Variants in RORA observed in about 807,000 individuals in gnomAD.
RORA encodes RAR related orphan receptor A, also known as nuclear receptor ROR-alpha.
In RORA, 7 loss-of-function variants were observed where a neutral mutation model predicts 69.5. The observed-to-expected ratio is 0.10, with a 90% CI of 0.06 to 0.19. The LOEUF is 0.19. RORA is among the 10% of genes least tolerant of loss of function. The pLI is 1.00. For synonymous variants in RORA, 261 were observed against 240.8 expected (o/e 1.08, Z -0.78); for missense variants, 457 against 663.0 (o/e 0.69, Z 3.41).
At chr15:60,913,213 C>T (rs965579687) in intron 1 of RORA, among the ~76,000 whole-genome samples, 3 of 152,170 alleles carry the variant, frequency 2.0e-5, no homozygotes, top group African/African-American at 7.2e-5. Context: ...GAGCTCACCA[C>T]CTCGTGCTCA....
At position 60,929,923 on chromosome 15, in the gene RORA, T is replaced by C. The variant is rs145490706; in HGVS notation, c.167-251237A>G. Among the ~76,000 whole-genome samples, 284 of 152,262 alleles carry C rather than the reference T, an allele frequency of 1.9e-3. 1 individual carries two copies. Among genetic ancestry groups the C allele is most frequent in the African/African-American group, 6.3e-3 (262 of 41,550 alleles). ...CTTGCCTTCAGACGCATATGGTTTA[T>C]GGAGCACATTTTGGATCAACACGTG... is the stretch of plus-strand genomic sequence containing the variant. On this transcript the variant is annotated intron_variant, in intron 1 of 10. Transcript: ENST00000335670.
intron 1 of RORA, among the ~76,000 whole-genome samples, chr15:60,889,260 G>T (rs989747971): frequency 9.2e-5 from 14 of 151,766 alleles, no homozygotes; most frequent in Admixed American, 7.9e-4. Flanking sequence ...GGTTCACTCA[G>T]TGCTTGTGCA....
chr15:60,826,468 A>G (rs1300901370), intron 1 of RORA, among the ~76,000 whole-genome samples: 1 of 152,120 alleles, frequency 6.6e-6, no homozygotes, highest in East Asian at 1.9e-4. Context: ...ATCACTGAGG[A>G]CTATTCAGGG....
rs149255011 is a variant in RORA at position 60,812,070 on chromosome 15, T to A, written c.167-133384A>T. 6.0e-3 allele frequency among the ~76,000 whole-genome samples: 913 copies of A among 152,320 alleles called. 9 individuals are homozygous for A. Among genetic ancestry groups the A allele is most frequent in the African/African-American group, 0.021 (866 of 41,562 alleles). ...GCATCACGTGTTTATAAGCATGGCA[T>A]CTCTGATCACACTACCTAGATTTGA... On this transcript the variant is annotated intron_variant, in intron 1 of 10. Transcript: ENST00000335670.
intron 1 of RORA, among the ~76,000 whole-genome samples, chr15:61,160,008 C>A (rs908704167): frequency 6.6e-6 from 1 of 152,190 alleles, no homozygotes; most frequent in African/African-American, 2.4e-5. Flanking sequence ...CCAGTTCCTT[C>A]TCTGCGATCA....
intron 1 of RORA, among the ~76,000 whole-genome samples, chr15:61,015,776 C>T (rs1267912537): frequency 1.3e-5 from 2 of 152,154 alleles, no homozygotes; most frequent in African/African-American, 2.4e-5. Context: ...GAATATGCTC[C>T]AAATGATACA....
rs5813067 is a variant in RORA at position 61,076,405 on chromosome 15, CAA to C, written c.166+152646_166+152647del. On this transcript the variant is annotated intron_variant, in intron 1 of 10. Transcript: ENST00000335670. ...TAAGGAGGGCATCTCTTGATCATCT[CAA>C]AAAAAAAAAACGTTTCAACAACTTC... is the stretch of plus-strand genomic sequence containing the variant. Among the ~76,000 whole-genome samples the C allele has an allele frequency of 6.7e-3, 946 of 142,082 alleles. 13 individuals are homozygous for C. Among genetic ancestry groups the C allele is most frequent in the African/African-American group, 0.023 (888 of 38,948 alleles). 93.2% of individuals were successfully genotyped at this position (142,082 alleles called of 152,430 possible).
intron 1 of RORA, among the ~76,000 whole-genome samples, chr15:60,840,207 G>C (rs2073177404): frequency 6.6e-6 from 1 of 152,220 alleles, no homozygotes; most frequent in African/African-American, 2.4e-5. Context: ...TCCTTTGACA[G>C]CCTGTTTCTT....
At chr15:60,883,331 T>C (rs2073713419) in intron 1 of RORA, among the ~76,000 whole-genome samples, 1 of 152,146 alleles carries the variant, frequency 6.6e-6, no homozygotes, top group East Asian at 1.9e-4. Flanking sequence ...ACTGACAACA[T>C]GGATTCAGAG....
At chr15:60,737,294 T>C (rs1391320940) in intron 1 of RORA, among the ~76,000 whole-genome samples, 1 of 152,180 alleles carries the variant, frequency 6.6e-6, no homozygotes, top group Non-Finnish European at 1.5e-5. Context: ...GGAAAGGAAG[T>C]TCTATAACTT....
At chr15:60,538,725 G>A (rs764286814) in intron 2 of RORA, among the ~76,000 whole-genome samples, 7 of 151,934 alleles carry the variant, frequency 4.6e-5, no homozygotes, top group Non-Finnish European at 7.4e-5. Context: ...GGGCTTGTAC[G>A]GTCTTGTCGG....
chr15:60,735,580 A>AAAAAAAAAAC (rs1555449383), intron 1 of RORA, among the ~76,000 whole-genome samples: 1 of 151,918 alleles, frequency 6.6e-6, no homozygotes, highest in African/African-American at 2.4e-5. Context: ...AAAAAGGAAA[A>AAAAAAAAAAC]AAAAAAAACC....
intron 1 of RORA, among the ~76,000 whole-genome samples, chr15:60,774,215 C>G (rs1333881451): frequency 6.6e-6 from 1 of 152,198 alleles, no homozygotes; most frequent in Non-Finnish European, 1.5e-5. Flanking sequence ...CATGTTATCG[C>G]TCTGAATGGG....
At chr15:61,107,489 T>A (rs2078962596) in intron 1 of RORA, among the ~76,000 whole-genome samples, 1 of 152,094 alleles carries the variant, frequency 6.6e-6, no homozygotes, top group African/African-American at 2.4e-5. Context: ...AAATCAGACA[T>A]CCTTGAGATC....
intron 1 of RORA, among the ~76,000 whole-genome samples, chr15:61,119,893 G>A (rs1285721936): frequency 1.3e-5 from 2 of 152,198 alleles, no homozygotes; most frequent in African/African-American, 4.8e-5. Context: ...CCCACTCACT[G>A]TACAGTACAA....
At chr15:60,633,857 A>G (rs1333248045) in intron 2 of RORA, among the ~76,000 whole-genome samples, 2 of 152,256 alleles carry the variant, frequency 1.3e-5, no homozygotes, top group African/African-American at 2.4e-5. Context: ...TGAGAAATGT[A>G]TATAAAGGTA....
At chr15:61,015,123 A>G (rs1308839471) in intron 1 of RORA, among the ~76,000 whole-genome samples, 1 of 152,228 alleles carries the variant, frequency 6.6e-6, no homozygotes, top group East Asian at 1.9e-4. Context: ...GTGCCTATCA[A>G]TAAATATTAA....
In RORA at chr15:60,912,387, A is replaced by C. The variant is rs529448077; in HGVS notation, c.167-233701T>G. Among the ~76,000 whole-genome samples the C allele has an allele frequency of 7.2e-5, 11 of 152,170 alleles. No homozygotes were observed. The South Asian group carries it at 1.9e-3, about 26-fold the overall frequency. On this transcript the variant is annotated intron_variant, in intron 1 of 10. Transcript: ENST00000335670. ...CAGTGAGCTATGATTGCACCACTCT[A>C]TTCCATCCAGCCTGGGCAATAGAGG... is the stretch of plus-strand genomic sequence containing the variant.
At chr15:60,922,298 G>C (rs1238772117) in intron 1 of RORA, among the ~76,000 whole-genome samples, 3 of 152,104 alleles carry the variant, frequency 2.0e-5, no homozygotes, top group Admixed American at 6.5e-5. Context: ...ACAACACCAA[G>C]AGTGAACCCT....
Sources: gnomAD v4.1 joint callset for allele counts (sites outside exome capture counted in the v4.1 genomes callset) on GRCh38, gnomAD v4.1.1 for gene constraint, MANE v1.5 for transcripts, NCBI Gene and HGNC (gene_info 2026-07-23, HGNC 2026-07-21) for gene names.